The following SPTBN2 variants were observed in gnomAD, a reference collection of about 807,000 sequenced individuals.
The protein encoded by SPTBN2 is spectrin beta chain, non-erythrocytic 2.
In SPTBN2, 107 loss-of-function variants were observed where a neutral mutation model predicts 284.2. The observed-to-expected ratio is 0.38, with a 90% CI of 0.32 to 0.44. The LOEUF (loss-of-function observed/expected upper bound fraction) is 0.44. Ranked by LOEUF, SPTBN2 falls within the 20% of genes least tolerant of loss-of-function variation. The pLI is 1.00. For missense variants in SPTBN2, 2,569 were observed against 3,287.1 expected, an observed-to-expected ratio of 0.78 and a Z score of 5.34; for synonymous variants, 1,289 against 1,354.8, an observed-to-expected ratio of 0.95 and a Z score of 1.07.
At position 66,686,813 on chromosome 11, in the gene SPTBN2, C is replaced by G. The variant is rs1940146002; in HGVS notation, c.6896+181G>C. 19 of 805,136 alleles carry G rather than the reference C, an allele frequency of 2.4e-5. No individual in the cohort carries two copies. The South Asian group carries it at 3.0e-4, about 13-fold the overall frequency. 49.9% of individuals were successfully genotyped at this position (805,136 alleles called of 1,614,324 possible). The stretch of plus-strand genomic sequence containing the variant: ...GCCTGGGTCTTGGTTCTCCTGCTCC[C>G]CTTGGTGTGGAGACAACCAGAATCT... On this transcript the variant is annotated intron_variant, in intron 36 of 37. Coordinates refer to ENST00000533211, the MANE Select transcript of SPTBN2 (RefSeq NM_006946.4).
rs1389344175 is a variant in SPTBN2, at chr11:66,684,368, G to GCTCA, written c.*1499_*1502dup. ...AAGGTAGTCTCAGCTGGGCATGGTGGCTCACGCCTGTAATCCCAACAGTTT... is the reference window on the plus strand; with the variant it reads ...AAGGTAGTCTCAGCTGGGCATGGTGGCTCACTCACGCCTGTAATCCCAACAGTTT... On this transcript the variant is annotated 3_prime_UTR_variant, in exon 38 of 38. Coordinates refer to ENST00000533211, the MANE Select transcript of SPTBN2 (RefSeq NM_006946.4). Among the ~76,000 whole-genome samples, 3 of 152,134 alleles carry GCTCA rather than the reference G, an allele frequency of 2.0e-5. No individual in the cohort carries two copies. The highest frequency in any genetic ancestry group is 6.5e-5 in the Admixed American group (1 of 15,268).
chr11:66,715,212 G>A lies in SPTBN2; in HGVS notation c.483+10C>T. 1.2e-6 allele frequency: 2 copies of A among 1,614,222 alleles called. No individual in the cohort carries two copies. Among genetic ancestry groups the A allele is most frequent in the Non-Finnish European group, 1.7e-6 (2 of 1,180,034 alleles). ...GGAACCACACCCTGTGTGACAGTGT[G>A]CTGGGGTACCTGGAATCGAAGGATG... On this transcript the variant is annotated intron_variant, in intron 5 of 37. Transcript: ENST00000533211. The surrounding 1 kb of genome is among the most constrained non-coding windows in gnomAD (Gnocchi z 5.3).
chr11:66,694,590 T>C (rs773132198), intron 21 of SPTBN2, among the ~76,000 whole-genome samples: 31 of 152,320 alleles, frequency 2.0e-4, no homozygotes, highest in Admixed American at 1.3e-4. Context: ...GCTCACTACA[T>C]GGGTGATGGG....
At position 66,718,552 on chromosome 11, in the gene SPTBN2, C is replaced by T. The variant is rs1942247781; in HGVS notation, c.157+2532G>A. On this transcript the variant is annotated intron_variant, in intron 3 of 37. Coordinates refer to ENST00000533211, the MANE Select transcript of SPTBN2 (RefSeq NM_006946.4). The surrounding 1 kb of genome is among the most constrained non-coding windows in gnomAD (Gnocchi z 4.8). ...CGGGGTTGTGGGCCCCTTCCACAGC[C>T]TCATAGTAAAACTCGCTGGCCTCAT... 6.6e-6 allele frequency among the ~76,000 whole-genome samples: 1 copy of T among 152,228 alleles called. No individual in the cohort carries two copies. The highest frequency in any genetic ancestry group is 2.4e-5 in the African/African-American group (1 of 41,452).
intron 8 of SPTBN2, among the ~76,000 whole-genome samples, chr11:66,711,547 A>C (rs893204360): frequency 1.1e-4 from 16 of 152,168 alleles, no homozygotes; most frequent in African/African-American, 3.4e-4. Context: ...CGCCGTTTCT[A>C]ACCTCAATCC....
At chr11:66,704,301 C>CCT (rs1337323463) in intron 15 of SPTBN2, among the ~76,000 whole-genome samples, 1 of 152,094 alleles carries the variant, frequency 6.6e-6, no homozygotes, top group African/African-American at 2.4e-5. Context: ...AGGGCACACC[C>CCT]TGAAGAAGGT....
At chr11:66,735,576 G>A (rs189377538) in intron 1 of SPTBN2, among the ~76,000 whole-genome samples, 1 of 152,258 alleles carries the variant, frequency 6.6e-6, no homozygotes, top group African/African-American at 2.4e-5. Flanking sequence ...TCTGGGCATG[G>A]TGGTGTATGC....
intron 1 of SPTBN2, among the ~76,000 whole-genome samples, chr11:66,741,680 A>G (rs1291582863): frequency 1.3e-5 from 2 of 152,154 alleles, no homozygotes; most frequent in East Asian, 3.9e-4. Flanking sequence ...AACTAAGGTG[A>G]CCTTAACCAA....
chr11:66,737,030 C>T (rs1408078764), intron 1 of SPTBN2, among the ~76,000 whole-genome samples: 1 of 152,174 alleles, frequency 6.6e-6, no homozygotes, highest in Non-Finnish European at 1.5e-5. Flanking sequence ...GATAATTTTA[C>T]AGAAGGAAGT....
At chr11:66,720,201 C>A (rs1942330808) in intron 3 of SPTBN2, among the ~76,000 whole-genome samples, 1 of 152,168 alleles carries the variant, frequency 6.6e-6, no homozygotes. Context: ...TAGTGGCCAA[C>A]CCCCACCCCC....
chr11:66,717,538 T>C (rs1208571081), intron 3 of SPTBN2, among the ~76,000 whole-genome samples: 2 of 151,818 alleles, frequency 1.3e-5, no homozygotes. Context: ...AAACCTGGGG[T>C]CCTAATAACA....
chr11:66,735,452 G>T (rs1942845202), intron 1 of SPTBN2, among the ~76,000 whole-genome samples: 1 of 152,148 alleles, frequency 6.6e-6, no homozygotes, highest in Admixed American at 6.6e-5. Flanking sequence ...GCTCACGCCT[G>T]TAGCCCTAGC....
intron 17 of SPTBN2, 51 bp from the exon 18 acceptor site, chr11:66,699,659 C>T (rs372396575): frequency 6.2e-7 from 1 of 1,601,144 alleles, no homozygotes; most frequent in Non-Finnish European, 8.5e-7. Context: ...CAATTCACCC[C>T]CCTAGGAGGG....
chr11:66,692,858 G>A, intron 25 of SPTBN2, 112 bp downstream of exon 25: 1 of 1,595,986 alleles, frequency 6.3e-7, no homozygotes, highest in African/African-American at 1.3e-5. Flanking sequence ...CTGTGTTCCA[G>A]CTTTCTAGAA....
upstream of SPTBN2, among the ~76,000 whole-genome samples, chr11:66,733,053 G>A (rs1942825309): frequency 6.6e-6 from 1 of 152,012 alleles, no homozygotes; most frequent in African/African-American, 2.4e-5. Flanking sequence ...GAGGGGAAGA[G>A]GGAATGTGTA....
Position 66,710,100 on chromosome 11 carries a change from T to C in SPTBN2, c.1073+482A>G, listed in dbSNP as rs1941774572. ...CTCTGTCACCCAGGTTGGAGTGCAG[T>C]GGCGTGATCTTGGCTCACTGCAACC... On this transcript the variant is annotated intron_variant, in intron 10 of 37. Coordinates refer to ENST00000533211, the MANE Select transcript of SPTBN2 (RefSeq NM_006946.4). The surrounding 1 kb of genome is among the most constrained non-coding windows in gnomAD (Gnocchi z 4.9). Among the ~76,000 whole-genome samples the C allele has an allele frequency of 6.6e-6, 1 of 152,260 alleles. No homozygotes were observed. Among genetic ancestry groups the C allele is most frequent in the Admixed American group, 6.5e-5 (1 of 15,292 alleles).
chr11:66,694,019 T>G, intron 22 of SPTBN2, 120 bp downstream of exon 22: 1 of 1,370,536 alleles, frequency 7.3e-7, no homozygotes, highest in Non-Finnish European at 1.0e-6. Flanking sequence ...ATAGGGGAGA[T>G]GGTCAATGCC....
intron 1 of SPTBN2, among the ~76,000 whole-genome samples, chr11:66,742,613 A>AT (rs879285801): frequency 1.8e-3 from 260 of 143,350 alleles, no homozygotes; most frequent in Middle Eastern, 3.5e-3. Context: ...CACAATGATA[A>AT]TTTTTTTTTT....
At position 66,689,810 on chromosome 11, in the gene SPTBN2, C is replaced by G. The variant is rs368916464; in HGVS notation, c.5944G>C (p.Glu1982Gln). 6.2e-7 allele frequency: 1 copy of G among 1,613,604 alleles called. No homozygotes were observed. Among genetic ancestry groups the G allele is most frequent in the Middle Eastern group, 1.7e-4 (1 of 5,816 alleles). ...ELLARSHYAA[E>Q]EISEKLSQLQ... ...GCCACCCAGGCCTCACCCACCTCCT[C>G]GGCCGCATAGTGGCTCCTGGCCAGC... Residue 1982 changes from glutamate to glutamine, a missense_variant, in exon 29 of 38, where the codon GAG (glutamate) becomes CAG (glutamine). Glu to Gln is a conservative substitution (Grantham distance 29). Around this residue, in one of 6 missense-constraint regions of SPTBN2, gnomAD observed 1,130 missense variants for 1,317.3 expected, o/e 0.86. Coordinates refer to ENST00000533211, the MANE Select transcript of SPTBN2 (RefSeq NM_006946.4).
Sources: allele counts gnomAD v4.1 joint callset (sites outside exome capture counted in the v4.1 genomes callset), GRCh38; gene constraint gnomAD v4.1.1; regional missense constraint gnomAD v4.1.1; non-coding constraint Gnocchi (gnomAD v3.1); transcripts MANE v1.5; gene names NCBI Gene and HGNC (gene_info 2026-07-23, HGNC 2026-07-21).